CPNE8: variants seen among roughly 807,000 people sequenced by gnomAD.
The protein encoded by CPNE8 is copine 8.
In CPNE8, 45 loss-of-function variants were observed where a neutral mutation model predicts 81.5. The observed-to-expected ratio is 0.55, with a 90% CI of 0.44 to 0.71. CPNE8 has a LOEUF of 0.71. CPNE8 is among the 30% of genes least tolerant of loss of function. The pLI is 0.00. For synonymous variants in CPNE8, 252 were observed against 226.3 expected (o/e 1.11, Z -1.02); for missense variants, 594 against 672.1 (o/e 0.88, Z 1.28).
chr12:38,819,125 C>A (rs1015726313), intron 6 of CPNE8, among the ~76,000 whole-genome samples: 1 of 151,200 alleles, frequency 6.6e-6, no homozygotes, highest in African/African-American at 2.4e-5. Flanking sequence ...TGTGCAGAAG[C>A]TCTTTAATTT....
chr12:38,806,495 CA>C (rs927430826), intron 6 of CPNE8, among the ~76,000 whole-genome samples: 1 of 150,130 alleles, frequency 6.7e-6, no homozygotes, highest in African/African-American at 2.4e-5. Context: ...CAACCAAAGA[CA>C]AAAACCACAT....
intron 6 of CPNE8, among the ~76,000 whole-genome samples, chr12:38,796,670 A>C (rs1942483537): frequency 6.6e-6 from 1 of 152,080 alleles, no homozygotes; most frequent in African/African-American, 2.4e-5. Flanking sequence ...GGTTCATCTC[A>C]CTAGGGAGTG....
chr12:38,782,974 C>T (rs1425626711), intron 6 of CPNE8, among the ~76,000 whole-genome samples: 1 of 152,154 alleles, frequency 6.6e-6, no homozygotes, highest in Non-Finnish European at 1.5e-5. Context: ...GCCACCCCAC[C>T]TTGACTACTC....
chr12:38,738,595 T>A (rs1941007484), intron 10 of CPNE8, among the ~76,000 whole-genome samples: 1 of 152,160 alleles, frequency 6.6e-6, no homozygotes, highest in East Asian at 1.9e-4. Context: ...AATTTAAAGC[T>A]GACAGTGTAC....
chr12:38,786,079 C>T (rs1942179348), intron 6 of CPNE8, among the ~76,000 whole-genome samples: 1 of 151,934 alleles, frequency 6.6e-6, no homozygotes, highest in South Asian at 2.1e-4. Flanking sequence ...ACACTAAATG[C>T]AAATAAACTA....
intron 6 of CPNE8, among the ~76,000 whole-genome samples, chr12:38,795,511 G>A (rs1942438886): frequency 6.6e-6 from 1 of 151,962 alleles, no homozygotes; most frequent in Non-Finnish European, 1.5e-5. Flanking sequence ...AGCAAAATGT[G>A]GTATATACAT....
At chr12:38,802,572 G>T (rs987209466) in intron 6 of CPNE8, among the ~76,000 whole-genome samples, 3 of 130,110 alleles carry the variant, frequency 2.3e-5, no homozygotes, top group Non-Finnish European at 4.9e-5. Flanking sequence ...ATCCAAAATT[G>T]ACACCCTAAC....
chr12:38,840,272 A>G (rs1360042014), intron 4 of CPNE8, among the ~76,000 whole-genome samples: 2 of 152,122 alleles, frequency 1.3e-5, no homozygotes, highest in African/African-American at 4.8e-5. Context: ...TCTGTGCATC[A>G]GTAGTATCCC....
chr12:38,730,251 A>G, intron 11 of CPNE8, 32 bp downstream of exon 11: 1 of 1,329,224 alleles, frequency 7.5e-7, no homozygotes, highest in Non-Finnish European at 1.1e-6. Context: ...TTATTCTAGA[A>G]AAAAACAATG....
intron 5 of CPNE8, among the ~76,000 whole-genome samples, chr12:38,836,150 C>T (rs1023044553): frequency 6.6e-6 from 1 of 152,078 alleles, no homozygotes; most frequent in African/African-American, 2.4e-5. Context: ...ACAGAACAAA[C>T]TCAGAATTCA....
At chr12:38,723,736 G>A (rs749413654) in intron 13 of CPNE8, 36 bp downstream of exon 13, 1 of 1,329,870 alleles carries the variant, frequency 7.5e-7, no homozygotes, top group Non-Finnish European at 1.1e-6. Flanking sequence ...TTTAGGAAAT[G>A]CCTAAGCAAC....
chr12:38,821,893 T>C (rs1038802582), intron 6 of CPNE8, among the ~76,000 whole-genome samples: 1 of 152,224 alleles, frequency 6.6e-6, no homozygotes, highest in African/African-American at 2.4e-5. Flanking sequence ...ACTTCGATTA[T>C]ATGTAAACCT....
intron 19 of CPNE8, among the ~76,000 whole-genome samples, chr12:38,660,549 G>A (rs1938928874): frequency 6.6e-6 from 1 of 152,194 alleles, no homozygotes; most frequent in East Asian, 1.9e-4. Context: ...CAGGACATAG[G>A]CATAGAATAA....
intron 6 of CPNE8, among the ~76,000 whole-genome samples, chr12:38,808,427 A>T (rs1942866491): frequency 6.6e-6 from 1 of 152,112 alleles, no homozygotes; most frequent in Non-Finnish European, 1.5e-5. Context: ...TGCAGCCATA[A>T]AAAATGATGA....
chr12:38,728,124 C>T (rs1940745227), intron 11 of CPNE8, among the ~76,000 whole-genome samples: 1 of 152,118 alleles, frequency 6.6e-6, no homozygotes, highest in African/African-American at 2.4e-5. Flanking sequence ...TTCCAATGTG[C>T]TGCATTATAT....
At chr12:38,670,893 G>T in intron 18 of CPNE8, 91 bp from the exon 19 acceptor site, 1 of 824,924 alleles carries the variant, frequency 1.2e-6, no homozygotes, top group Non-Finnish European at 1.9e-6. Flanking sequence ...GTATGAAGTA[G>T]CAAAATGTGC....
intron 10 of CPNE8, among the ~76,000 whole-genome samples, chr12:38,756,328 T>C (rs1166902567): frequency 1.3e-5 from 2 of 150,836 alleles, no homozygotes; most frequent in Non-Finnish European, 2.9e-5. Context: ...AAAATGTGAT[T>C]GTAAGCAAGT....
chr12:38,878,203 G>A (rs1290723666), intron 1 of CPNE8, among the ~76,000 whole-genome samples: 3 of 152,148 alleles, frequency 2.0e-5, no homozygotes, highest in African/African-American at 7.2e-5. Flanking sequence ...TGGAGTAGCT[G>A]TTCTTTTGTT....
intron 1 of CPNE8, among the ~76,000 whole-genome samples, chr12:38,885,481 T>C (rs184151478): frequency 2.0e-5 from 3 of 152,302 alleles, no homozygotes; most frequent in East Asian, 3.9e-4. Flanking sequence ...ACTCATTTAG[T>C]TGTAAGTTAC....
Sources: gnomAD v4.1 joint callset for allele counts (sites outside exome capture counted in the v4.1 genomes callset) on GRCh38, gnomAD v4.1.1 for gene constraint, MANE v1.5 for transcripts, NCBI Gene and HGNC (gene_info 2026-07-23, HGNC 2026-07-21) for gene names.